RALYL: variants seen among roughly 807,000 people sequenced by gnomAD.
The protein encoded by RALYL is RNA-binding Raly-like protein.
Under a neutral mutation model 35.1 loss-of-function variants are expected in RALYL, and 29 were observed. The ratio of observed to expected loss-of-function variants is 0.83; its 90% CI spans 0.61 to 1.13. The LOEUF is 1.13. RALYL is among the 50% of genes most tolerant of loss of function. The probability of loss-of-function intolerance (pLI) is 0.00; values close to 1 mark genes in which losing one functional copy is unlikely to be tolerated. For missense variants in RALYL, 359 were observed against 360.4 expected, an observed-to-expected ratio of 1.00 and a Z score of 0.03; for synonymous variants, 120 against 127.6, an observed-to-expected ratio of 0.94 and a Z score of 0.40.
chr8:84,336,399 T>A (rs1256897255), intron 1 of RALYL, among the ~76,000 whole-genome samples: 1 of 152,130 alleles, frequency 6.6e-6, no homozygotes, highest in Non-Finnish European at 1.5e-5. Context: ...ACTTTTTTCT[T>A]GACATGTAGA....
chr8:84,278,331 C>A (rs1201001968), intron 1 of RALYL, among the ~76,000 whole-genome samples: 4 of 152,242 alleles, frequency 2.6e-5, no homozygotes, highest in African/African-American at 9.6e-5. Flanking sequence ...CCCAAAGCTG[C>A]ATCAAGTGGG....
chr8:84,581,068 C>G (rs1201288937), intron 2 of RALYL, among the ~76,000 whole-genome samples: 2 of 152,174 alleles, frequency 1.3e-5, no homozygotes, highest in African/African-American at 4.8e-5. Context: ...TGCTTGGCAT[C>G]TGAGATTGAA....
At chr8:84,730,421 C>G (rs995348911) in intron 2 of RALYL, among the ~76,000 whole-genome samples, 7 of 152,110 alleles carry the variant, frequency 4.6e-5, no homozygotes, top group Admixed American at 2.6e-4. Context: ...TACCCACAGC[C>G]AATATCATAC....
At chr8:84,291,254 A>G (rs549119292) in intron 1 of RALYL, among the ~76,000 whole-genome samples, 1 of 152,290 alleles carries the variant, frequency 6.6e-6, no homozygotes, top group East Asian at 1.9e-4. Context: ...TTTAAAAAAG[A>G]AGCACTATTG....
At chr8:84,655,398 G>A (rs1322220680) in intron 2 of RALYL, among the ~76,000 whole-genome samples, 12 of 151,748 alleles carry the variant, frequency 7.9e-5, no homozygotes, top group East Asian at 1.9e-4. Flanking sequence ...GTGCAATCTC[G>A]GCTCACTGTA....
At chr8:84,830,028 G>T (rs77085067) in intron 4 of RALYL, among the ~76,000 whole-genome samples, 1,303 of 115,078 alleles carry the variant, frequency 0.011, 16 homozygotes, top group Non-Finnish European at 0.019. Flanking sequence ...GGGGGGGGGG[G>T]GCATTTTAAG....
intron 1 of RALYL, among the ~76,000 whole-genome samples, chr8:84,461,602 G>GT (rs1283391131): frequency 4.6e-5 from 7 of 151,624 alleles, no homozygotes; most frequent in Non-Finnish European, 1.0e-4. Flanking sequence ...AAACATGTCT[G>GT]TTTTTTCAGT....
intron 2 of RALYL, among the ~76,000 whole-genome samples, chr8:84,657,282 G>T (rs1022362523): frequency 6.6e-6 from 1 of 152,118 alleles, no homozygotes; most frequent in African/African-American, 2.4e-5. Flanking sequence ...TGCTTGTTTA[G>T]TATTTGTCCA....
intron 1 of RALYL, among the ~76,000 whole-genome samples, chr8:84,360,943 A>G (rs1031302824): frequency 5.3e-5 from 8 of 151,336 alleles, no homozygotes; most frequent in Admixed American, 2.0e-4. Context: ...ACATTCAACA[A>G]CTTTTCAAAT....
At chr8:84,581,528 G>A (rs1415854945) in intron 2 of RALYL, among the ~76,000 whole-genome samples, 1 of 152,118 alleles carries the variant, frequency 6.6e-6, no homozygotes, top group Non-Finnish European at 1.5e-5. Flanking sequence ...ATCCTGCAGA[G>A]AGCTGGCACA....
chr8:84,500,889 G>C lies in RALYL; in HGVS notation c.-23-28410G>C, dbSNP rs1371297921. 2.0e-5 allele frequency among the ~76,000 whole-genome samples: 3 copies of C among 152,158 alleles called. No individual in the cohort carries two copies. The East Asian group carries it at 5.8e-4, about 29-fold the overall frequency. On this transcript the variant is annotated intron_variant, in intron 1 of 8. Transcript: ENST00000521268. ...TGTCAAATAATTAATTTTGTTGACA[G>C]GATTAAGTAGAGAATATACAACCTC...
intron 1 of RALYL, among the ~76,000 whole-genome samples, chr8:84,447,694 A>G (rs554777360): frequency 6.6e-6 from 1 of 152,186 alleles, no homozygotes; most frequent in South Asian, 2.1e-4. Flanking sequence ...TGATTGAATG[A>G]GGACACTTTG....
intron 2 of RALYL, among the ~76,000 whole-genome samples, chr8:84,551,893 T>C (rs2135438703): frequency 6.6e-6 from 1 of 152,264 alleles, no homozygotes; most frequent in African/African-American, 2.4e-5. Context: ...TCATTTATCC[T>C]AGACTTTGCT....
intron 1 of RALYL, among the ~76,000 whole-genome samples, chr8:84,297,965 T>A (rs1179595475): frequency 1.3e-5 from 2 of 152,182 alleles, no homozygotes; most frequent in African/African-American, 2.4e-5. Flanking sequence ...TTGCAAATAT[T>A]TTCTCCCATT....
chr8:84,585,080 A>G (rs899947244), intron 2 of RALYL, among the ~76,000 whole-genome samples: 1 of 152,096 alleles, frequency 6.6e-6, no homozygotes, highest in African/African-American at 2.4e-5. Flanking sequence ...TTTTAGGTCA[A>G]CCTTCTCCCA....
chr8:84,612,194 C>A (rs1246048502), intron 2 of RALYL, among the ~76,000 whole-genome samples: 6 of 151,672 alleles, frequency 4.0e-5, no homozygotes, highest in Admixed American at 4.0e-4. Context: ...TTTATTATTT[C>A]TTCATAACTT....
At chr8:84,861,964 A>G (rs1385150633) in intron 5 of RALYL, among the ~76,000 whole-genome samples, 1 of 152,234 alleles carries the variant, frequency 6.6e-6, no homozygotes, top group African/African-American at 2.4e-5. Context: ...TTTACCAAGC[A>G]AAGAAATATA....
At chr8:84,425,191 C>T (rs2046232261) in intron 1 of RALYL, among the ~76,000 whole-genome samples, 1 of 152,134 alleles carries the variant, frequency 6.6e-6, no homozygotes, top group Non-Finnish European at 1.5e-5. Context: ...GCTGTGCTAG[C>T]AATCAGCGAG....
intron 8 of RALYL, among the ~76,000 whole-genome samples, chr8:84,891,425 G>A (rs1293870845): frequency 6.6e-6 from 1 of 152,156 alleles, no homozygotes; most frequent in African/African-American, 2.4e-5. Context: ...CTGGATGCAT[G>A]TTTCCTAGGA....
Sources: gnomAD v4.1 joint callset for allele counts (sites outside exome capture counted in the v4.1 genomes callset) on GRCh38, gnomAD v4.1.1 for gene constraint, MANE v1.5 for transcripts, NCBI Gene and HGNC (gene_info 2026-07-23, HGNC 2026-07-21) for gene names.